DPH2: variants seen among roughly 807,000 people sequenced by gnomAD.
The protein encoded by DPH2 is diphthamide biosynthesis 2, also known as 2-(3-amino-3-carboxypropyl)histidine synthase subunit 2.
DPH2 carries 28 observed loss-of-function variants against 42.5 expected under a neutral mutation model. The ratio of observed to expected loss-of-function variants is 0.66; its 90% CI spans 0.49 to 0.90. The LOEUF is 0.90. Ranked by LOEUF, DPH2 falls within the 40% of genes least tolerant of loss-of-function variation. The pLI is 0.00. For synonymous variants in DPH2, 279 were observed against 264.4 expected, an observed-to-expected ratio of 1.06 and a Z score of -0.53; for missense variants, 576 against 636.0, an observed-to-expected ratio of 0.91 and a Z score of 1.01.
At position 43,972,262 on chromosome 1, in the gene DPH2, T is replaced by TCA. The variant is rs1221261674; in HGVS notation, c.1274_1275dup (p.Ser426HisfsTer10). ...TCTCCGACCCCCACCTGCCTGGAAG[T>TCA]CATCAAATGATCATGGAAGCTTGGC... On this transcript the variant is annotated frameshift_variant, in exon 5 of 6. Coordinates refer to ENST00000255108, the MANE Select transcript of DPH2 (RefSeq NM_001384.5). LOFTEE classifies it high-confidence loss of function. 1 of 1,614,134 alleles carries TCA rather than the reference T, an allele frequency of 6.2e-7. No individual in the cohort carries two copies. The highest frequency in any genetic ancestry group is 2.2e-5 in the East Asian group (1 of 44,882).
In DPH2 at chr1:43,971,102, C is replaced by T; in HGVS notation, c.397C>T (p.Leu133Phe). 6.4e-7 allele frequency: 1 copy of T among 1,559,898 alleles called. No individual in the cohort carries two copies. Among genetic ancestry groups the T allele is most frequent in the South Asian group, 1.2e-5 (1 of 84,948 alleles). Residue 133 changes from leucine to phenylalanine, a missense_variant, in exon 3 of 6, where the codon CTC becomes TTC. By Grantham distance (22) the Leu-to-Phe change is conservative. Transcript: ENST00000255108. ...TCGTCAACGTTCTGTGGCCTTGGAG[C>T]TCTGTGTCAAGGCCTTTGAGGCCCA... ...VLRQRSVALELCVKAFEAQNP... is the reference protein window; with the variant it reads ...VLRQRSVALEFCVKAFEAQNP...
Position 43,972,507 on chromosome 1 carries a change from G to C in DPH2, c.1438G>C (p.Ala480Pro). The C allele has an allele frequency of 6.2e-7, 1 of 1,614,262 alleles. No homozygotes were observed. The highest frequency in any genetic ancestry group is 8.5e-7 in the Non-Finnish European group (1 of 1,180,046). Reference sequence around the variant, plus strand: ...AGCTGTGAGTGGAAGACGAGGGATTGCCATCGCCTATGAGGATGAGGGAAG... The same window carrying C: ...AGCTGTGAGTGGAAGACGAGGGATTCCCATCGCCTATGAGGATGAGGGAAG... ...TEAVSGRRGI[A>P]IAYEDEGSG Residue 480 changes from alanine to proline, a missense_variant, in exon 6 of 6, where the codon GCC becomes CCC. Transcript: ENST00000255108.
Position 43,970,122 on chromosome 1 carries a change from C to G in DPH2, c.-54C>G. On this transcript the variant is annotated 5_prime_UTR_variant, in exon 1 of 6. Transcript: ENST00000255108. ...AGGGCTGCTCTAGAGGACTCAGGCC[C>G]CGAAGCTGTCCCAGGGAGGTCCCCG... is the stretch of plus-strand genomic sequence containing the variant. 3.8e-6 allele frequency: 6 copies of G among 1,592,612 alleles called. No homozygotes were observed. The highest frequency in any genetic ancestry group is 5.1e-6 in the Non-Finnish European group (6 of 1,169,626).
chr1:43,970,058 T>C lies in DPH2; in HGVS notation c.-118T>C, dbSNP rs2085385929. The C allele has an allele frequency of 8.3e-7, 1 of 1,204,124 alleles. No individual in the cohort carries two copies. The highest frequency in any genetic ancestry group is 1.2e-6 in the Non-Finnish European group (1 of 868,732). 74.6% of individuals were successfully genotyped at this position (1,204,124 alleles called of 1,614,324 possible). ...ATACTCACCGGCTGAAGGCCGACTG[T>C]GATTCCCCCTACCCCCACAAGGCGA... On this transcript the variant is annotated 5_prime_UTR_variant, in exon 1 of 6. Transcript: ENST00000255108.
chr1:43,970,664 G>T lies in DPH2; in HGVS notation c.216G>T (p.Thr72=). 1.2e-6 allele frequency: 2 copies of T among 1,614,170 alleles called. No individual in the cohort carries two copies. Among genetic ancestry groups the T allele is most frequent in the Non-Finnish European group, 1.7e-6 (2 of 1,180,030 alleles). The change falls in exon 2 of 6, where the codon ACG becomes ACT. Residue 72 remains threonine, a synonymous_variant. Coordinates refer to ENST00000255108, the MANE Select transcript of DPH2 (RefSeq NM_001384.5). ...AVAVAARLEE[T]TGSKMFILGD... is the part of the protein sequence containing the mutation. The stretch of plus-strand genomic sequence containing the variant: ...CTGTGGCTGCACGACTGGAGGAGAC[G>T]ACAGGGTCAAAGATGTTCATTCTGG...
At chr1:43,970,500 G>A in intron 1 of DPH2, 96 bp from the exon 2 acceptor site, 1 of 1,537,828 alleles carries the variant, frequency 6.5e-7, no homozygotes, top group South Asian at 1.1e-5. Flanking sequence ...TGGGACCAGG[G>A]GCTTTGAAGG....
chr1:43,971,637 A>C lies in DPH2; in HGVS notation c.735A>C (p.Gln245His), dbSNP rs749625892. Residue 245 changes from glutamine to histidine, a missense_variant, in exon 4 of 6, where the codon CAA becomes CAC. This residue lies in a region of DPH2 where 395 missense variants were observed against 435.2 expected (regional missense o/e 0.91). Transcript: ENST00000255108. ...SRLLLGWAPG[Q>H]PFSSCCPDTG... The stretch of plus-strand genomic sequence containing the variant: ...TGCTCTTGGGGTGGGCACCAGGTCA[A>C]CCCTTCTCCTCCTGCTGTCCAGATA... The C allele has an allele frequency of 1.3e-5, 21 of 1,614,114 alleles. No individual in the cohort carries two copies. The South Asian group carries it at 2.2e-4, about 17-fold the overall frequency.
chr1:43,972,844 C>A lies in DPH2; in HGVS notation c.*305C>A. Reference sequence around the variant, plus strand: ...CAGGACCTTTGGCCAATCCCAGTTCCCAGGCTGCAGTTGAGGGTCTGTCCT... The same window carrying A: ...CAGGACCTTTGGCCAATCCCAGTTCACAGGCTGCAGTTGAGGGTCTGTCCT... On this transcript the variant is annotated 3_prime_UTR_variant, in exon 6 of 6. Transcript: ENST00000255108. 1 of 331,388 alleles carries A rather than the reference C, an allele frequency of 3.0e-6. No individual in the cohort carries two copies. The highest frequency in any genetic ancestry group is 9.1e-4 in the Middle Eastern group (1 of 1,096). 20.5% of individuals were successfully genotyped at this position (331,388 alleles called of 1,614,324 possible).
rs754517983 is a variant in DPH2, at chr1:43,971,045, C to G, written c.340C>G (p.Pro114Ala). Residue 114 changes from proline to alanine, a missense_variant, in exon 3 of 6, where the codon CCA (proline) becomes GCA (alanine). This residue lies in a region of DPH2 where 395 missense variants were observed against 435.2 expected (regional missense o/e 0.91). Transcript: ENST00000255108. Reference protein sequence around the residue: ...IHFGPACLSPPARPLPVAFVL... With the variant: ...IHFGPACLSPAARPLPVAFVL... Reference sequence around the variant, plus strand: ...TTTTGGCCCTGCCTGCTTAAGCCCTCCAGCCCGCCCACTGCCCGTTGCCTT... The same window carrying G: ...TTTTGGCCCTGCCTGCTTAAGCCCTGCAGCCCGCCCACTGCCCGTTGCCTT... The G allele has an allele frequency of 1.3e-6, 2 of 1,577,816 alleles. No homozygotes were observed. Among genetic ancestry groups the G allele is most frequent in the Admixed American group, 1.9e-5 (1 of 54,030 alleles).
At position 43,971,572 on chromosome 1, in the gene DPH2, G is replaced by A; in HGVS notation, c.670G>A (p.Ala224Thr). The A allele has an allele frequency of 6.2e-7, 1 of 1,614,142 alleles. No homozygotes were observed. ...YGAFYVGGSK[A>T]SPDPDLDPDL... ...TGCCTTCTATGTAGGGGGCTCTAAG[G>A]CCAGCCCTGACCCAGACCTTGACCC... Residue 224 changes from alanine (A) to threonine (T), a missense_variant, in exon 4 of 6, where the codon GCC becomes ACC. By Grantham distance (58) the Ala-to-Thr change is moderately conservative. This residue lies in a region of DPH2 where 395 missense variants were observed against 435.2 expected (regional missense o/e 0.91). Transcript: ENST00000255108.
In DPH2 at chr1:43,972,423, C is replaced by G; in HGVS notation, c.1354C>G (p.Leu452Val). Residue 452 changes from leucine to valine, a missense_variant, in exon 6 of 6, where the codon CTT becomes GTT. Leu to Val is a conservative substitution (Grantham distance 32). Coordinates refer to ENST00000255108, the MANE Select transcript of DPH2 (RefSeq NM_001384.5). ...GCCCCCTCCCTCTACAGCCTCATTC[C>G]TTAGTTCCCGGAGCTGGCAAGGGCT... The part of the protein sequence containing the change: ...LAESSPAASF[L>V]SSRSWQGLEP... The G allele has an allele frequency of 6.2e-7, 1 of 1,614,234 alleles. No individual in the cohort carries two copies. The highest frequency in any genetic ancestry group is 8.5e-7 in the Non-Finnish European group (1 of 1,180,048).
chr1:43,972,390 C>CA, intron 5 of DPH2, 25 bp from the exon 6 acceptor site: 1 of 1,613,968 alleles, frequency 6.2e-7, no homozygotes, highest in South Asian at 1.1e-5. Flanking sequence ...GCAGCGCACT[C>CA]AGACTGAGCC....
Position 43,972,402 on chromosome 1 carries a change from C to T in DPH2, c.1346-13C>T. The T allele has an allele frequency of 1.2e-6, 2 of 1,614,120 alleles. No homozygotes were observed. Among genetic ancestry groups the T allele is most frequent in the Non-Finnish European group, 1.7e-6 (2 of 1,179,984 alleles). On this transcript the variant is annotated splice_polypyrimidine_tract_variant and intron_variant, in intron 5 of 5. Coordinates refer to ENST00000255108, the MANE Select transcript of DPH2 (RefSeq NM_001384.5). ...GATGCAGCGCACTCAGACTGAGCCC[C>T]CTCCCTCTACAGCCTCATTCCTTAG...
At position 43,971,063 on chromosome 1, in the gene DPH2, G is replaced by A. The variant is rs1455953541; in HGVS notation, c.358G>A (p.Val120Ile). 1.3e-5 allele frequency: 21 copies of A among 1,572,208 alleles called. No individual in the cohort carries two copies. The highest frequency in any genetic ancestry group is 2.3e-5 in the South Asian group (2 of 86,000). The stretch of plus-strand genomic sequence containing the variant: ...AAGCCCTCCAGCCCGCCCACTGCCC[G>A]TTGCCTTCGTGCTTCGTCAACGTTC... ...CLSPPARPLP[V>I]AFVLRQRSVA... The change falls in exon 3 of 6, where the codon GTT (valine) becomes ATT (isoleucine). Residue 120 changes from valine to isoleucine, a missense_variant. By Grantham distance (29) the Val-to-Ile change is conservative. This residue lies in a region of DPH2 where 395 missense variants were observed against 435.2 expected (regional missense o/e 0.91). Transcript: ENST00000255108.
In DPH2 at chr1:43,972,518, T is replaced by A; in HGVS notation, c.1449T>A (p.Tyr483Ter). Residue 483 changes from tyrosine to a stop codon, truncating the protein, a stop_gained, in exon 6 of 6, where the codon TAT becomes TAA. Transcript: ENST00000255108. LOFTEE classifies it high-confidence loss of function. ...VSGRRGIAIA[Y>*]EDEGSG is the part of the protein sequence containing the mutation. ...GAAGACGAGGGATTGCCATCGCCTATGAGGATGAGGGAAGCGGCTGATACC... is the reference window on the plus strand; with the variant it reads ...GAAGACGAGGGATTGCCATCGCCTAAGAGGATGAGGGAAGCGGCTGATACC... The A allele has an allele frequency of 6.2e-7, 1 of 1,614,212 alleles. No individual in the cohort carries two copies. The highest frequency in any genetic ancestry group is 8.5e-7 in the Non-Finnish European group (1 of 1,180,032).
At position 43,970,664 on chromosome 1, in the gene DPH2, G is replaced by A. The variant is rs1160419691; in HGVS notation, c.216G>A (p.Thr72=). Residue 72 remains threonine, a synonymous_variant, in exon 2 of 6, where the codon ACG becomes ACA. Transcript: ENST00000255108. ...CTGTGGCTGCACGACTGGAGGAGAC[G>A]ACAGGGTCAAAGATGTTCATTCTGG... is the stretch of plus-strand genomic sequence containing the variant. ...AVAVAARLEE[T]TGSKMFILGD... is the part of the protein sequence containing the mutation. 11 of 1,614,174 alleles carry A rather than the reference G, an allele frequency of 6.8e-6. No homozygotes were observed. The highest frequency in any genetic ancestry group is 2.2e-5 in the East Asian group (1 of 44,882).
In DPH2 at chr1:43,971,818, C is replaced by T; in HGVS notation, c.916C>T (p.Leu306=). Residue 306 remains leucine (L), a synonymous_variant, in exon 4 of 6, where the codon CTG becomes TTG. Transcript: ENST00000255108. ...TGAGGCACTGGCCCACTTGCGGAACCTGACTCAGGCTGCTGGCAAGCGTAG... is the reference window on the plus strand; with the variant it reads ...TGAGGCACTGGCCCACTTGCGGAACTTGACTCAGGCTGCTGGCAAGCGTAG... ...HREALAHLRN[L]TQAAGKRSYV... 1.2e-6 allele frequency: 2 copies of T among 1,612,826 alleles called. No individual in the cohort carries two copies. The highest frequency in any genetic ancestry group is 1.7e-6 in the Non-Finnish European group (2 of 1,180,044).
rs1380765026 is a variant in DPH2 at position 43,971,635 on chromosome 1, C to G, written c.733C>G (p.Gln245Glu). The G allele has an allele frequency of 1.2e-6, 2 of 1,614,042 alleles. No homozygotes were observed. Among genetic ancestry groups the G allele is most frequent in the East Asian group, 4.5e-5 (2 of 44,900 alleles). ...GCTGCTCTTGGGGTGGGCACCAGGT[C>G]AACCCTTCTCCTCCTGCTGTCCAGA... Reference protein sequence around the residue: ...SRLLLGWAPGQPFSSCCPDTG... With the variant: ...SRLLLGWAPGEPFSSCCPDTG... The change falls in exon 4 of 6, where the codon CAA becomes GAA. Residue 245 changes from glutamine (Q) to glutamate (E), a missense_variant. Coordinates refer to ENST00000255108, the MANE Select transcript of DPH2 (RefSeq NM_001384.5).
Position 43,971,421 on chromosome 1 carries a change from G to A in DPH2, c.519G>A (p.Leu173=), listed in dbSNP as rs1324381900. ...ALATLLRPRY[L]DLLVSSPAFP... ...CTACTCTCCTGCGCCCACGGTACCTGGACCTGCTAGTCTCCAGCCCAGCTT... is the reference window on the plus strand; with the variant it reads ...CTACTCTCCTGCGCCCACGGTACCTAGACCTGCTAGTCTCCAGCCCAGCTT... Residue 173 remains leucine (L), a synonymous_variant, in exon 4 of 6, where the codon CTG becomes CTA. Transcript: ENST00000255108. 2 of 1,607,022 alleles carry A rather than the reference G, an allele frequency of 1.2e-6. No homozygotes were observed. The highest frequency in any genetic ancestry group is 1.1e-5 in the South Asian group (1 of 90,764).
Sources: allele counts gnomAD v4.1 joint callset, GRCh38; gene constraint gnomAD v4.1.1; regional missense constraint gnomAD v4.1.1; transcripts MANE v1.5; gene names NCBI Gene and HGNC (gene_info 2026-07-23, HGNC 2026-07-21).